The following SETD2 variants were observed in gnomAD, a reference collection of about 807,000 sequenced individuals.
SETD2 encodes histone-lysine N-methyltransferase SETD2.
SETD2 carries 31 observed loss-of-function variants against 242.1 expected under a neutral mutation model. The observed-to-expected ratio is 0.13, with a 90% confidence interval of 0.10 to 0.17. The LOEUF (loss-of-function observed/expected upper bound fraction) is 0.17, where lower values mean the gene tolerates loss of function less well. SETD2 is among the 10% of genes least tolerant of loss of function. SETD2 has a pLI of 1.00. For missense variants in SETD2, 2,481 were observed against 3,046.3 expected (o/e 0.81, Z 4.37); for synonymous variants, 1,006 against 1,066.5 (o/e 0.94, Z 1.11).
chr3:47,089,123 G>A (rs1303758477), intron 9 of SETD2, among the ~76,000 whole-genome samples: 1 of 152,134 alleles, frequency 6.6e-6, no homozygotes, highest in East Asian at 1.9e-4. Flanking sequence ...GAACTTTTTA[G>A]TGATACATAT....
chr3:47,129,139 A>T (rs563647657), intron 1 of SETD2, among the ~76,000 whole-genome samples: 1 of 152,328 alleles, frequency 6.6e-6, no homozygotes, highest in African/African-American at 2.4e-5. Flanking sequence ...GAAATCAAAG[A>T]ATTGTTTGAC....
intron 15 of SETD2, among the ~76,000 whole-genome samples, chr3:47,051,073 A>G (rs954518085): frequency 6.6e-6 from 1 of 150,438 alleles, no homozygotes; most frequent in Admixed American, 6.6e-5. Flanking sequence ...GCAAGTGACC[A>G]TATTCTCTTG....
chr3:47,145,705 C>T (rs1172962300), intron 1 of SETD2, among the ~76,000 whole-genome samples: 2 of 152,094 alleles, frequency 1.3e-5, no homozygotes, highest in Non-Finnish European at 2.9e-5. Context: ...AGTTTAAGAA[C>T]TATATAACCT....
chr3:47,112,904 T>A (rs1446744470), intron 5 of SETD2, among the ~76,000 whole-genome samples: 1 of 152,196 alleles, frequency 6.6e-6, no homozygotes, highest in African/African-American at 2.4e-5. Context: ...ATACTTTAAA[T>A]ATGCTATATA....
chr3:47,023,138 T>A (rs372541934), intron 18 of SETD2, among the ~76,000 whole-genome samples: 15 of 152,294 alleles, frequency 9.8e-5, no homozygotes, highest in African/African-American at 3.4e-4. Context: ...CGGTGGCTCA[T>A]GCCTGTAATC....
At chr3:47,158,032 G>A (rs1339325005) in intron 1 of SETD2, among the ~76,000 whole-genome samples, 1 of 152,122 alleles carries the variant, frequency 6.6e-6, no homozygotes, top group Non-Finnish European at 1.5e-5. Context: ...AAGTAAAAGA[G>A]ATGAGATTCT....
chr3:47,084,025 C>T lies in SETD2; in HGVS notation c.5755G>A (p.Glu1919Lys), dbSNP rs2041433569. The change falls in exon 12 of 21, where the codon GAA (glutamate) becomes AAA (lysine). Residue 1919 changes from glutamate to lysine, a missense_variant. Around this residue, in one of 17 missense-constraint regions of SETD2, gnomAD observed 203 missense variants for 222.4 expected, o/e 0.91. Coordinates refer to ENST00000409792, the MANE Select transcript of SETD2 (RefSeq NM_014159.7). Reference sequence around the variant, plus strand: ...TGTTGTGACTGCAATTCTTCCTCTTCCTCTACAGGGACATTTTCTAATTGA... The same window carrying T: ...TGTTGTGACTGCAATTCTTCCTCTTTCTCTACAGGGACATTTTCTAATTGA... The part of the protein sequence containing the change: ...LDQLENVPVE[E>K]EEELQSQQLL... 6.2e-7 allele frequency: 1 copy of T among 1,614,096 alleles called. No individual in the cohort carries two copies. The highest frequency in any genetic ancestry group is 8.5e-7 in the Non-Finnish European group (1 of 1,180,022).
chr3:47,083,783 T>C lies in SETD2; in HGVS notation c.5997A>G (p.Pro1999=), dbSNP rs1198615233. The change falls in exon 12 of 21, where the codon CCA becomes CCG. Residue 1999 remains proline, a synonymous_variant. Transcript: ENST00000409792. The part of the protein sequence containing the change: ...DVESERSQEQ[P]DKTVDISDLA... Reference sequence around the variant, plus strand: ...AATCACTTATATCCACTGTTTTATCTGGCTGTTCTTGGCTCCTTTCACTCT... The same window carrying C: ...AATCACTTATATCCACTGTTTTATCCGGCTGTTCTTGGCTCCTTTCACTCT... 6.2e-7 allele frequency: 1 copy of C among 1,614,168 alleles called. No homozygotes were observed. The highest frequency in any genetic ancestry group is 8.5e-7 in the Non-Finnish European group (1 of 1,180,014).
chr3:47,057,597 AC>A (rs2107578842), intron 14 of SETD2, 107 bp from the exon 15 acceptor site: 1 of 778,398 alleles, frequency 1.3e-6, no homozygotes, highest in Admixed American at 2.5e-5. Flanking sequence ...ACCACATCAA[AC>A]CCTATTTGGC....
chr3:47,064,753 A>G (rs568579899), intron 13 of SETD2: 148 of 163,798 alleles, frequency 9.0e-4, no homozygotes, highest in African/African-American at 3.4e-3. Context: ...AGGCTTATAT[A>G]TATTATATAT....
chr3:47,124,151 G>A lies in SETD2; in HGVS notation c.485C>T (p.Ala162Val), dbSNP rs1273240614. Residue 162 changes from alanine to valine, a missense_variant, in exon 3 of 21, where the codon GCA becomes GTA. Transcript: ENST00000409792. ...TGCATGAGTAGGTGGAGATGCTACT[G>A]CTGTGGTAGTAGCCAGCAGTGGCCT... The part of the protein sequence containing the change: ...TSRPLLATTT[A>V]VASPPTHAAP... 1 of 1,551,806 alleles carries A rather than the reference G, an allele frequency of 6.4e-7. No homozygotes were observed. Among genetic ancestry groups the A allele is most frequent in the Middle Eastern group, 1.7e-4 (1 of 5,990 alleles).
rs2106725804 is a variant in SETD2, at chr3:47,124,338, T to C, written c.298A>G (p.Thr100Ala). Residue 100 changes from threonine (T) to alanine (A), a missense_variant, in exon 3 of 21, where the codon ACT becomes GCT. Around this residue, in one of 17 missense-constraint regions of SETD2, gnomAD observed 334 missense variants for 374.5 expected, o/e 0.89. Coordinates refer to ENST00000409792, the MANE Select transcript of SETD2 (RefSeq NM_014159.7). The part of the protein sequence containing the change: ...TALGNEKQSD[T>A]PNPPAVPLQV... ...AGAGGTACAGCTGGAGGGTTTGGAG[T>C]ATCACTTTGCTTTTCATTGCCAAGT... 2 of 1,551,760 alleles carry C rather than the reference T, an allele frequency of 1.3e-6. No homozygotes were observed. The highest frequency in any genetic ancestry group is 1.7e-6 in the Non-Finnish European group (2 of 1,146,978).
At chr3:47,076,296 C>A (rs2041074167) in intron 12 of SETD2, among the ~76,000 whole-genome samples, 1 of 152,008 alleles carries the variant, frequency 6.6e-6, no homozygotes, top group African/African-American at 2.4e-5. Context: ...GAGGAGACTG[C>A]AGAAATAAAT....
At chr3:47,100,966 C>T (rs1462736478) in intron 8 of SETD2, among the ~76,000 whole-genome samples, 2 of 139,082 alleles carry the variant, frequency 1.4e-5, no homozygotes. Flanking sequence ...GCCAAGATCA[C>T]GCCACTGCAC....
At chr3:47,071,517 C>T (rs979396678) in intron 12 of SETD2, among the ~76,000 whole-genome samples, 29 of 152,120 alleles carry the variant, frequency 1.9e-4, no homozygotes, top group African/African-American at 6.8e-4. Flanking sequence ...TGTTTAAAGG[C>T]CTCACCTACA....
rs2107637992 is a variant in SETD2, at chr3:47,083,824, C to A, written c.5956G>T (p.Gly1986Cys). 6.2e-7 allele frequency: 1 copy of A among 1,614,096 alleles called. No homozygotes were observed. Among genetic ancestry groups the A allele is most frequent in the South Asian group, 1.1e-5 (1 of 91,074 alleles). ...CTTTCACTCTCCACATCAGACACAC[C>A]CTCCTCTTCATCTTGGGATGGTGTT... The part of the protein sequence containing the change: ...EETPSQDEEE[G>C]VSDVESERSQ... The change falls in exon 12 of 21, where the codon GGT becomes TGT. Residue 1986 changes from glycine to cysteine, a missense_variant. Physicochemically the swap from Gly to Cys is radical, Grantham distance 159. Around this residue, in one of 17 missense-constraint regions of SETD2, gnomAD observed 203 missense variants for 222.4 expected, o/e 0.91. Coordinates refer to ENST00000409792, the MANE Select transcript of SETD2 (RefSeq NM_014159.7).
intron 6 of SETD2, chr3:47,105,650 A>T (rs1454126440): frequency 1.3e-5 from 6 of 448,462 alleles, no homozygotes. Flanking sequence ...AGTCGGCAGG[A>T]CACGGTGGCT....
chr3:47,034,856 GATAA>G (rs2038930617), intron 18 of SETD2, among the ~76,000 whole-genome samples: 1 of 152,180 alleles, frequency 6.6e-6, no homozygotes, highest in Admixed American at 6.5e-5. Context: ...TCAAATGTCT[GATAA>G]ATAACCAAAA....
intron 17 of SETD2, 73 bp from the exon 18 acceptor site, chr3:47,037,850 A>C: frequency 9.9e-7 from 1 of 1,014,944 alleles, no homozygotes; most frequent in Non-Finnish European, 1.6e-6. Context: ...ATCACTGCTC[A>C]TACATACATA....
Sources: gnomAD v4.1 joint callset for allele counts (sites outside exome capture counted in the v4.1 genomes callset) on GRCh38, gnomAD v4.1.1 for gene constraint, gnomAD v4.1.1 regional missense constraint, MANE v1.5 for transcripts, NCBI Gene and HGNC (gene_info 2026-07-23, HGNC 2026-07-21) for gene names.